DPP10: variants seen among roughly 807,000 people sequenced by gnomAD.
DPP10 encodes the protein dipeptidyl peptidase like 10, also known as inactive dipeptidyl peptidase 10.
Under a neutral mutation model 120.9 loss-of-function variants are expected in DPP10, and 33 were observed. The observed-to-expected ratio is 0.27, with a 90% CI of 0.21 to 0.37. The LOEUF (loss-of-function observed/expected upper bound fraction) is 0.37, where lower values mean the gene tolerates loss of function less well. DPP10 is among the 10% of genes least tolerant of loss of function. The pLI, the probability that DPP10 is intolerant of heterozygous loss-of-function variation, is 1.00. For missense variants in DPP10, 816 were observed against 942.8 expected (o/e 0.87, Z 1.76); for synonymous variants, 337 against 326.1 (o/e 1.03, Z -0.36).
intron 5 of DPP10, among the ~76,000 whole-genome samples, chr2:115,565,006 T>G (rs1488780167): frequency 6.6e-6 from 1 of 152,020 alleles, no homozygotes; most frequent in Non-Finnish European, 1.5e-5. Context: ...GTTTCTATAT[T>G]CTGGCACCAA....
At chr2:114,766,016 G>A (rs1574136845) in intron 1 of DPP10, among the ~76,000 whole-genome samples, 1 of 152,108 alleles carries the variant, frequency 6.6e-6, no homozygotes, top group African/African-American at 2.4e-5. Context: ...CACCATGAGT[G>A]AGTGTTTGCA....
intron 5 of DPP10, among the ~76,000 whole-genome samples, chr2:115,601,071 C>T (rs534724606): frequency 6.6e-6 from 1 of 152,268 alleles, no homozygotes; most frequent in Admixed American, 6.5e-5. Flanking sequence ...TTTCTAGGTC[C>T]TATGAGACTA....
chr2:115,187,063 A>C (rs1351003460), intron 1 of DPP10, among the ~76,000 whole-genome samples: 2 of 91,630 alleles, frequency 2.2e-5, no homozygotes, highest in African/African-American at 8.7e-5. Context: ...TTTGAGACGG[A>C]GTTTCGCTCT....
chr2:114,998,924 A>G (rs1701264976), intron 1 of DPP10, among the ~76,000 whole-genome samples: 1 of 152,152 alleles, frequency 6.6e-6, no homozygotes, highest in African/African-American at 2.4e-5. Flanking sequence ...AAAGTTCTCC[A>G]CTTTTCAGGG....
intron 1 of DPP10, among the ~76,000 whole-genome samples, chr2:115,041,117 C>CAAAAAAA (rs10577275): frequency 3.9e-5 from 5 of 127,932 alleles, no homozygotes; most frequent in Non-Finnish European, 3.3e-5. Context: ...TAGCTCAAAA[C>CAAAAAAA]AAAAAAAAAA....
intron 1 of DPP10, among the ~76,000 whole-genome samples, chr2:114,858,288 C>G (rs1042250468): frequency 6.6e-6 from 1 of 152,182 alleles, no homozygotes; most frequent in Non-Finnish European, 1.5e-5. Context: ...TGTGCCCCGC[C>G]GCCGCTTGGC....
Position 115,816,140 on chromosome 2 carries a change from T to G in DPP10, c.1950+411T>G, listed in dbSNP as rs114567616. Among the ~76,000 whole-genome samples, 1,302 of 152,094 alleles carry G rather than the reference T, an allele frequency of 8.6e-3. 18 individuals are homozygous for G. Among genetic ancestry groups the G allele is most frequent in the African/African-American group, 0.03 (1,252 of 41,484 alleles). Reference sequence around the variant, plus strand: ...GAAGTAGAACAACAACAGGACAAAATGGGGCTTTGTTTTCATGAAGCTTGT... The same window carrying G: ...GAAGTAGAACAACAACAGGACAAAAGGGGGCTTTGTTTTCATGAAGCTTGT... On this transcript the variant is annotated intron_variant, in intron 21 of 25. Transcript: ENST00000410059.
rs955873691 is a variant in DPP10, at chr2:114,675,943, G to A, written c.60+233105G>A. 1.4e-4 allele frequency among the ~76,000 whole-genome samples: 22 copies of A among 152,062 alleles called. 2 individuals are homozygous for A. Among genetic ancestry groups the A allele is most frequent in the Admixed American group, 1.0e-3 (16 of 15,262 alleles). On this transcript the variant is annotated intron_variant, in intron 1 of 25. Coordinates refer to ENST00000410059, the MANE Select transcript of DPP10 (RefSeq NM_020868.6). ...GCCTCCAGAGTAGCTGGGATTACAA[G>A]TGTGCACCACCATGCCTGGCTAATT...
chr2:114,776,862 G>A (rs1353399594), intron 1 of DPP10, among the ~76,000 whole-genome samples: 3 of 151,890 alleles, frequency 2.0e-5, no homozygotes, highest in African/African-American at 7.3e-5. Flanking sequence ...TTTTGAAAAG[G>A]AAATCAAATT....
At chr2:115,550,802 G>T (rs911121433) in intron 5 of DPP10, among the ~76,000 whole-genome samples, 2 of 152,074 alleles carry the variant, frequency 1.3e-5, no homozygotes, top group Non-Finnish European at 2.9e-5. Context: ...AACAATCAAA[G>T]AAAGCTGTGT....
chr2:115,173,420 T>C (rs1467985140), intron 1 of DPP10, among the ~76,000 whole-genome samples: 1 of 152,174 alleles, frequency 6.6e-6, no homozygotes, highest in Non-Finnish European at 1.5e-5. Flanking sequence ...CCCATAATTG[T>C]TATGTAAACC....
chr2:115,274,442 AT>A (rs1007535405), intron 1 of DPP10, among the ~76,000 whole-genome samples: 23 of 151,746 alleles, frequency 1.5e-4, no homozygotes, highest in African/African-American at 4.6e-4. Flanking sequence ...TGGTGTGCCT[AT>A]TTTTTTTTAA....
At chr2:114,920,769 T>C (rs553087637) in intron 1 of DPP10, among the ~76,000 whole-genome samples, 1 of 152,294 alleles carries the variant, frequency 6.6e-6, no homozygotes, top group African/African-American at 2.4e-5. Context: ...TCATGGTTTT[T>C]CCACTTTTAT....
At position 115,262,382 on chromosome 2, in the gene DPP10, T is replaced by A. The variant is rs569759504; in HGVS notation, c.61-46857T>A. Among the ~76,000 whole-genome samples the A allele has an allele frequency of 2.5e-4, 38 of 152,110 alleles. No individual in the cohort carries two copies. In the East Asian group the frequency reaches 6.8e-3, roughly 27 times the overall value. The stretch of plus-strand genomic sequence containing the variant: ...AATATGTTTACTATTATTTTTATTT[T>A]AAAATATGTTCTCATTTTCATATAC... On this transcript the variant is annotated intron_variant, in intron 1 of 25. Coordinates refer to ENST00000410059, the MANE Select transcript of DPP10 (RefSeq NM_020868.6).
intron 1 of DPP10, among the ~76,000 whole-genome samples, chr2:114,842,141 T>C (rs984360657): frequency 1.3e-5 from 2 of 152,048 alleles, no homozygotes; most frequent in Non-Finnish European, 2.9e-5. Context: ...CTATTGAAGG[T>C]AATGGGGGCT....
rs11685972 is a variant in DPP10 at position 115,127,800 on chromosome 2, G to A, written c.61-181439G>A. Among the ~76,000 whole-genome samples the A allele has an allele frequency of 9.8e-3, 1,498 of 152,208 alleles. 16 individuals carry two copies. The highest frequency in any genetic ancestry group is 0.015 in the Non-Finnish European group (1,052 of 68,006). On this transcript the variant is annotated intron_variant, in intron 1 of 25. Transcript: ENST00000410059. The stretch of plus-strand genomic sequence containing the variant: ...ACAGCCACTGTGACTGTCATATTCA[G>A]CCATGGTGTAAGCTGACATTTTTTT...
intron 1 of DPP10, among the ~76,000 whole-genome samples, chr2:114,523,918 A>G (rs919008981): frequency 5.9e-5 from 9 of 152,224 alleles, no homozygotes; most frequent in African/African-American, 2.2e-4. Flanking sequence ...AAACATAGAC[A>G]GTGTTGGTAA....
At chr2:115,433,859 A>AGATAT (rs1048111876) in intron 3 of DPP10, among the ~76,000 whole-genome samples, 1 of 152,022 alleles carries the variant, frequency 6.6e-6, no homozygotes, top group African/African-American at 2.4e-5. Context: ...TGTGTCAATC[A>AGATAT]GATATCACGA....
intron 7 of DPP10, among the ~76,000 whole-genome samples, chr2:115,694,005 G>C (rs915087502): frequency 6.6e-6 from 1 of 152,066 alleles, no homozygotes; most frequent in African/African-American, 2.4e-5. Flanking sequence ...GGGAACTTTA[G>C]GGTGACTAGT....
Sources: gnomAD v4.1 joint callset for allele counts (sites outside exome capture counted in the v4.1 genomes callset) on GRCh38, gnomAD v4.1.1 for gene constraint, MANE v1.5 for transcripts, NCBI Gene and HGNC (gene_info 2026-07-23, HGNC 2026-07-21) for gene names.